Variants in SIRT3 observed in about 807,000 individuals in gnomAD.
SIRT3 encodes the protein NAD-dependent protein deacetylase sirtuin-3, mitochondrial.
In SIRT3, 26 loss-of-function variants were observed where a neutral mutation model predicts 33.5. The ratio of observed to expected loss-of-function variants is 0.78; its 90% CI spans 0.57 to 1.08. The LOEUF (loss-of-function observed/expected upper bound fraction) is 1.08. SIRT3 is among the 50% of genes least tolerant of loss of function. SIRT3 has a pLI of 0.00. For missense variants in SIRT3, 585 were observed against 530.1 expected, an observed-to-expected ratio of 1.10 and a Z score of -1.02; for synonymous variants, 237 against 222.1, an observed-to-expected ratio of 1.07 and a Z score of -0.60.
intron 3 of SIRT3, 30 bp downstream of exon 3, chr11:232,953 A>G: frequency 6.2e-7 from 1 of 1,603,748 alleles, no homozygotes; most frequent in Non-Finnish European, 8.5e-7. Context: ...GTGGGAGAAA[A>G]AGAATGTGTG....
chr11:217,796 T>C (rs147632633), intron 6 of SIRT3, among the ~76,000 whole-genome samples: 16 of 152,344 alleles, frequency 1.1e-4, no homozygotes, highest in African/African-American at 3.4e-4. Flanking sequence ...CTGTGATATA[T>C]TGTAGTTGAT....
rs199727024 is a variant in SIRT3, at chr11:232,943, G to A, written c.706+40C>T. On this transcript the variant is annotated intron_variant, in intron 3 of 6. Transcript: ENST00000382743. ...GGGAGAAACAGGCACCCGAGCCTCC[G>A]TGGGAGAAAAAGAATGTGTGCGACT... 3.3e-5 allele frequency: 53 copies of A among 1,591,080 alleles called. No individual in the cohort carries two copies. The South Asian group carries it at 4.9e-4, about 15-fold the overall frequency.
chr11:226,322 A>C (rs908790765), intron 4 of SIRT3, among the ~76,000 whole-genome samples: 1 of 152,164 alleles, frequency 6.6e-6, no homozygotes, highest in Admixed American at 6.5e-5. Flanking sequence ...TGCTACGGCC[A>C]GGAACTCAAG....
chr11:220,438 G>A (rs1856299011), intron 5 of SIRT3, among the ~76,000 whole-genome samples: 1 of 150,136 alleles, frequency 6.7e-6, no homozygotes, highest in African/African-American at 2.4e-5. Flanking sequence ...AATTTATAAT[G>A]ACCCAATGAA....
At position 236,225 on chromosome 11, in the gene SIRT3, C is replaced by T. The variant is rs1476096524; in HGVS notation, c.104G>A (p.Gly35Asp). ...CCTGCCGCCAAGCACCAGCCGACAG[C>T]CGCAGGCCTGAAACGGCCCCACGCC... ...GGGVGPFQACGCRLVLGGRDD... is the reference protein window; with the variant it reads ...GGGVGPFQACDCRLVLGGRDD... Residue 35 changes from glycine (G) to aspartate (D), a missense_variant, in exon 1 of 7, where the codon GGC becomes GAC. Physicochemically the swap from Gly to Asp is moderately conservative, Grantham distance 94. Coordinates refer to ENST00000382743, the MANE Select transcript of SIRT3 (RefSeq NM_012239.6). The T allele has an allele frequency of 6.4e-7, 1 of 1,558,712 alleles. No homozygotes were observed. Among genetic ancestry groups the T allele is most frequent in the South Asian group, 1.2e-5 (1 of 85,310 alleles).
intron 1 of SIRT3, among the ~76,000 whole-genome samples, chr11:234,540 G>C (rs4980324): frequency 1.3e-5 from 2 of 151,808 alleles, no homozygotes; most frequent in African/African-American, 2.4e-5. Flanking sequence ...TCAGCCTCCC[G>C]AGTAGCTGGG....
intron 4 of SIRT3, among the ~76,000 whole-genome samples, chr11:229,716 G>A (rs1322731044): frequency 1.3e-5 from 2 of 151,792 alleles, no homozygotes; most frequent in East Asian, 1.9e-4. Context: ...CCGAAATCGC[G>A]CCATTGCACT....
At chr11:217,166 T>G (rs1855770291) in intron 6 of SIRT3, among the ~76,000 whole-genome samples, 1 of 152,242 alleles carries the variant, frequency 6.6e-6, no homozygotes, top group African/African-American at 2.4e-5. Context: ...AACAGGAAGT[T>G]GGGCCGGGCC....
In SIRT3 at chr11:223,465, T is replaced by G; in HGVS notation, c.969+613A>C. 3.5e-6 allele frequency: 1 copy of G among 286,150 alleles called. No individual in the cohort carries two copies. Among genetic ancestry groups the G allele is most frequent in the Non-Finnish European group, 7.0e-6 (1 of 143,636 alleles). 17.7% of individuals were successfully genotyped at this position (286,150 alleles called of 1,614,324 possible). A position where few individuals can be genotyped will look rare whatever the true frequency, so the allele number is the denominator to read the frequency against. ...CCAGGACCAGCCTCCTGGCACTGCT[T>G]GCTCCACTCTCCACTCCCCAAAGGC... On this transcript the variant is annotated intron_variant, in intron 5 of 6. Transcript: ENST00000382743. This position sits in a 1 kb window ranked among gnomAD's most constrained non-coding sequence, Gnocchi z 4.8.
In SIRT3 at chr11:230,540, G is replaced by C; in HGVS notation, c.719C>G (p.Pro240Arg). Reference protein sequence around the residue: ...IDGLERVSGIPASKLVEAHGT... With the variant: ...IDGLERVSGIRASKLVEAHGT... The stretch of plus-strand genomic sequence containing the variant: ...ATGAGCTTCAACCAGCTTTGAGGCA[G>C]GGATGCCCGACACTGAAATTCAAGC... Residue 240 changes from proline (P) to arginine (R), a missense_variant, in exon 4 of 7, where the codon CCT (proline) becomes CGT (arginine). Pro to Arg is a moderately radical substitution (Grantham distance 103). Coordinates refer to ENST00000382743, the MANE Select transcript of SIRT3 (RefSeq NM_012239.6). 6.5e-7 allele frequency: 1 copy of C among 1,532,266 alleles called. No individual in the cohort carries two copies. Among genetic ancestry groups the C allele is most frequent in the East Asian group, 2.6e-5 (1 of 39,100 alleles). 94.9% of individuals were successfully genotyped at this position (1,532,266 alleles called of 1,614,324 possible). A position where few individuals can be genotyped will look rare whatever the true frequency, so the allele number is the denominator to read the frequency against.
At position 236,131 on chromosome 11, in the gene SIRT3, G is replaced by A. The variant is rs774093099; in HGVS notation, c.198C>T (p.Pro66=). ...ARGEPLDPAR[P]LQRPPRPEVP... ...CCTCGGGTCTGGGAGGCCTCTGCAAGGGGCGCGCCGGGTCCAAGGGCTCAC... is the reference window on the plus strand; with the variant it reads ...CCTCGGGTCTGGGAGGCCTCTGCAAAGGGCGCGCCGGGTCCAAGGGCTCAC... The change falls in exon 1 of 7, where the codon CCC becomes CCT. Residue 66 remains proline, a synonymous_variant. Coordinates refer to ENST00000382743, the MANE Select transcript of SIRT3 (RefSeq NM_012239.6). 5.4e-5 allele frequency: 85 copies of A among 1,575,510 alleles called. No homozygotes were observed. The highest frequency in any genetic ancestry group is 7.1e-5 in the Non-Finnish European group (83 of 1,161,772).
intron 4 of SIRT3, among the ~76,000 whole-genome samples, chr11:224,650 G>A (rs1243599509): frequency 6.6e-6 from 1 of 152,146 alleles, no homozygotes; most frequent in Non-Finnish European, 1.5e-5. Flanking sequence ...CAGTCAGAAA[G>A]GTGAAACTGT....
chr11:228,787 T>TA (rs1857505371), intron 4 of SIRT3, among the ~76,000 whole-genome samples: 1 of 151,786 alleles, frequency 6.6e-6, no homozygotes, highest in Admixed American at 6.6e-5. Flanking sequence ...ATCAACAAAG[T>TA]AAAAAAGACA....
At chr11:227,619 C>CTTAT (rs964284768) in intron 4 of SIRT3, among the ~76,000 whole-genome samples, 6 of 151,892 alleles carry the variant, frequency 4.0e-5, no homozygotes, top group South Asian at 2.1e-4. Flanking sequence ...ATTTTATTCT[C>CTTAT]TTATTTATTT....
In SIRT3 at chr11:219,030, A is replaced by G; in HGVS notation, c.981T>C (p.Phe327=). The change falls in exon 6 of 7, where the codon TTT becomes TTC. Residue 327 remains phenylalanine, a synonymous_variant. Coordinates refer to ENST00000382743, the MANE Select transcript of SIRT3 (RefSeq NM_012239.6). ...ILGTSLEVEP[F]ASLTEAVRSS... ...TCCGCACGGCCTCGGTCAAGCTGGC[A>G]AAAGGCTCCACCTGAAAAATGGGCC... is the stretch of plus-strand genomic sequence containing the variant. The G allele has an allele frequency of 1.2e-6, 2 of 1,612,260 alleles. No homozygotes were observed. Among genetic ancestry groups the G allele is most frequent in the Non-Finnish European group, 1.7e-6 (2 of 1,179,230 alleles).
intron 1 of SIRT3, 137 bp from the exon 2 acceptor site, chr11:233,671 T>C (rs1858441570): frequency 1.3e-6 from 1 of 758,348 alleles, no homozygotes; most frequent in Admixed American, 2.9e-5. Flanking sequence ...CCTCTCAAAA[T>C]AATCACCTTT....
chr11:219,181 A>G (rs1376800759), intron 5 of SIRT3, 140 bp from the exon 6 acceptor site: 1 of 1,070,578 alleles, frequency 9.3e-7, no homozygotes, highest in East Asian at 2.6e-5. Flanking sequence ...CCCACCACCA[A>G]TCTCATTTCT....
chr11:224,181 G>A lies in SIRT3; in HGVS notation c.866C>T (p.Pro289Leu), dbSNP rs200209873. ...CGGCTCCCCAAAGAACACAATGTCGGGCTTCACAACGCCGGTGCAGACCGG... is the reference window on the plus strand; with the variant it reads ...CGGCTCCCCAAAGAACACAATGTCGAGCTTCACAACGCCGGTGCAGACCGG... ...RCPVCTGVVKPDIVFFGEPLP... is the reference protein window; with the variant it reads ...RCPVCTGVVKLDIVFFGEPLP... Residue 289 changes from proline (P) to leucine (L), a missense_variant, in exon 5 of 7, where the codon CCC becomes CTC. Coordinates refer to ENST00000382743, the MANE Select transcript of SIRT3 (RefSeq NM_012239.6). 42 of 1,614,058 alleles carry A rather than the reference G, an allele frequency of 2.6e-5. No individual in the cohort carries two copies. Among genetic ancestry groups the A allele is most frequent in the Non-Finnish European group, 3.5e-5 (41 of 1,180,054 alleles).
At chr11:234,980 T>G (rs1423088888) in intron 1 of SIRT3, among the ~76,000 whole-genome samples, 1 of 150,268 alleles carries the variant, frequency 6.7e-6, no homozygotes, top group Non-Finnish European at 1.5e-5. Context: ...CGGGTTCAAG[T>G]GATTCTCCTG....
Sources: gnomAD v4.1 joint callset for allele counts (sites outside exome capture counted in the v4.1 genomes callset) on GRCh38, gnomAD v4.1.1 for gene constraint, Gnocchi (gnomAD v3.1) non-coding constraint, MANE v1.5 for transcripts, NCBI Gene and HGNC (gene_info 2026-07-23, HGNC 2026-07-21) for gene names.